ATP6V1H: variants seen among roughly 807,000 people sequenced by gnomAD.
ATP6V1H encodes the protein ATPase H+ transporting V1 subunit H, also known as V-type proton ATPase subunit H.
ATP6V1H carries 39 observed loss-of-function variants against 71.7 expected under a neutral mutation model. That is an observed-to-expected ratio of 0.54 (90% confidence interval 0.42 to 0.71). ATP6V1H has a LOEUF of 0.71. Ranked by LOEUF, ATP6V1H falls within the 30% of genes least tolerant of loss-of-function variation. The probability of loss-of-function intolerance (pLI) is 0.00; values close to 1 mark genes in which losing one functional copy is unlikely to be tolerated. For missense variants in ATP6V1H, 509 were observed against 594.9 expected, an observed-to-expected ratio of 0.86 and a Z score of 1.50; for synonymous variants, 192 against 199.3, an observed-to-expected ratio of 0.96 and a Z score of 0.31.
chr8:53,732,210 C>T (rs936871198), intron 13 of ATP6V1H, among the ~76,000 whole-genome samples: 12 of 152,096 alleles, frequency 7.9e-5, no homozygotes, highest in Admixed American at 1.3e-4. Context: ...TGACCTTTTA[C>T]CCTTTCCTTC....
At position 53,817,503 on chromosome 8, in the gene ATP6V1H, A is replaced by G; in HGVS notation, c.334T>C (p.Phe112Leu). 6.2e-7 allele frequency: 1 copy of G among 1,612,750 alleles called. No homozygotes were observed. Among genetic ancestry groups the G allele is most frequent in the African/African-American group, 1.3e-5 (1 of 75,006 alleles). ...QENHQRVSIF[F>L]DYARCSKNTA... is the part of the protein sequence containing the mutation. ...TTCTTGCTACATCTTGCATAGTCAAAGAAAATGCTAACACGCTGATGATTT... is the reference window on the plus strand; with the variant it reads ...TTCTTGCTACATCTTGCATAGTCAAGGAAAATGCTAACACGCTGATGATTT... The change falls in exon 5 of 14, where the codon TTT (phenylalanine) becomes CTT (leucine). Residue 112 changes from phenylalanine to leucine, a missense_variant. Around this residue, in one of 2 missense-constraint regions of ATP6V1H, gnomAD observed 297 missense variants for 303.3 expected, o/e 0.98. Transcript: ENST00000359530.
intron 11 of ATP6V1H, among the ~76,000 whole-genome samples, chr8:53,757,433 C>A (rs971415904): frequency 2.4e-4 from 37 of 152,280 alleles, no homozygotes; most frequent in African/African-American, 8.9e-4. Context: ...GAAAGGACTA[C>A]CTTCCTCATG....
At position 53,715,904 on chromosome 8, in the gene ATP6V1H, A is replaced by C; in HGVS notation, c.*60T>G. The C allele has an allele frequency of 6.8e-7, 1 of 1,473,988 alleles. No individual in the cohort carries two copies. The highest frequency in any genetic ancestry group is 9.4e-7 in the Non-Finnish European group (1 of 1,068,862). The allele number at this position is 1,473,988 out of a possible 1,614,324, so 91.3% of individuals were successfully genotyped here. On this transcript the variant is annotated 3_prime_UTR_variant, in exon 14 of 14. Transcript: ENST00000359530. ...TCAAACAGTGTTCACTCTTAACTCT[A>C]AACACAGTGCTCCCACTACTGGTTC... is the stretch of plus-strand genomic sequence containing the variant.
At chr8:53,804,614 C>A (rs1259383658) in intron 7 of ATP6V1H, among the ~76,000 whole-genome samples, 3 of 152,116 alleles carry the variant, frequency 2.0e-5, no homozygotes, top group African/African-American at 7.2e-5. Context: ...GTGGAAGTTG[C>A]AGTGAGCAGA....
chr8:53,825,544 C>A (rs982119538), intron 4 of ATP6V1H, among the ~76,000 whole-genome samples: 2 of 151,546 alleles, frequency 1.3e-5, no homozygotes, highest in East Asian at 3.9e-4. Context: ...CTGGGTGGTG[C>A]TGGAGCATGA....
At chr8:53,789,618 T>G (rs1809505933) in intron 9 of ATP6V1H, among the ~76,000 whole-genome samples, 1 of 152,196 alleles carries the variant, frequency 6.6e-6, no homozygotes, top group Admixed American at 6.5e-5. Flanking sequence ...ATACATTCTT[T>G]GAAACAACAG....
chr8:53,791,564 C>G (rs1325527823), intron 9 of ATP6V1H, among the ~76,000 whole-genome samples: 4 of 152,260 alleles, frequency 2.6e-5, no homozygotes, highest in Non-Finnish European at 5.9e-5. Context: ...CAAGCACAAA[C>G]TACTGATGAT....
intron 9 of ATP6V1H, among the ~76,000 whole-genome samples, chr8:53,775,373 C>T (rs1457558016): frequency 7.9e-5 from 12 of 152,170 alleles, no homozygotes; most frequent in Admixed American, 6.5e-4. Flanking sequence ...AGCGGGTTGC[C>T]AATGCTGGCT....
intron 13 of ATP6V1H, among the ~76,000 whole-genome samples, chr8:53,723,564 T>C (rs201568300): frequency 1.7e-3 from 266 of 152,380 alleles, no homozygotes; most frequent in Admixed American, 3.2e-3. Context: ...TATCGTGATG[T>C]GGCCACTATG....
chr8:53,724,640 G>A (rs1261586111), intron 13 of ATP6V1H, among the ~76,000 whole-genome samples: 1 of 118,624 alleles, frequency 8.4e-6, no homozygotes, highest in African/African-American at 3.2e-5. Flanking sequence ...CCACGCCCCA[G>A]GGACGGCAGT....
intron 7 of ATP6V1H, among the ~76,000 whole-genome samples, chr8:53,810,393 T>A (rs1810235086): frequency 6.6e-6 from 1 of 152,200 alleles, no homozygotes. Context: ...CCATAATTAA[T>A]CTTAATTATG....
intron 13 of ATP6V1H, among the ~76,000 whole-genome samples, chr8:53,738,239 G>C (rs1358222226): frequency 6.6e-6 from 1 of 151,264 alleles, no homozygotes; most frequent in Non-Finnish European, 1.5e-5. Context: ...GGAGGTTGCA[G>C]TGAGCCAAGA....
intron 6 of ATP6V1H, among the ~76,000 whole-genome samples, chr8:53,814,160 T>C (rs1810371169): frequency 6.6e-6 from 1 of 152,056 alleles, no homozygotes; most frequent in African/African-American, 2.4e-5. Context: ...GCATAAAAGA[T>C]CTCACTCGAA....
At chr8:53,761,406 A>G (rs1047171142) in intron 11 of ATP6V1H, among the ~76,000 whole-genome samples, 7 of 152,176 alleles carry the variant, frequency 4.6e-5, no homozygotes, top group Non-Finnish European at 7.4e-5. Flanking sequence ...AGTGTCATAC[A>G]AAGGTAAAGG....
At position 53,775,918 on chromosome 8, in the gene ATP6V1H, C is replaced by T. The variant is rs377347816; in HGVS notation, c.871-3751G>A. Among the ~76,000 whole-genome samples the T allele has an allele frequency of 2.6e-5, 4 of 152,262 alleles. 1 individual carries two copies. Among genetic ancestry groups the T allele is most frequent in the South Asian group, 4.1e-4 (2 of 4,836 alleles). On this transcript the variant is annotated intron_variant, in intron 9 of 13. Coordinates refer to ENST00000359530, the MANE Select transcript of ATP6V1H (RefSeq NM_015941.4). Reference sequence around the variant, plus strand: ...GCGCTCGCACTCCTCAGCCCTTGGGCGGTCGATGGGACTGGGCGCCGTGGA... The same window carrying T: ...GCGCTCGCACTCCTCAGCCCTTGGGTGGTCGATGGGACTGGGCGCCGTGGA...
At chr8:53,736,625 A>G (rs930798678) in intron 13 of ATP6V1H, among the ~76,000 whole-genome samples, 12 of 152,310 alleles carry the variant, frequency 7.9e-5, no homozygotes, top group South Asian at 6.2e-4. Context: ...TTCAAATAAT[A>G]AAAAGTTTTG....
chr8:53,780,685 TC>T (rs1199131993), intron 9 of ATP6V1H, among the ~76,000 whole-genome samples: 1 of 152,078 alleles, frequency 6.6e-6, no homozygotes, highest in Admixed American at 6.5e-5. Context: ...ATGGTATCCC[TC>T]CCCCATCCCC....
chr8:53,738,909 T>C (rs1807321687), intron 13 of ATP6V1H, among the ~76,000 whole-genome samples: 1 of 152,202 alleles, frequency 6.6e-6, no homozygotes, highest in South Asian at 2.1e-4. Flanking sequence ...CTGTAAAAAA[T>C]TCCTCTTTAC....
chr8:53,761,837 G>A (rs1201964102), intron 11 of ATP6V1H, among the ~76,000 whole-genome samples: 1 of 152,074 alleles, frequency 6.6e-6, no homozygotes, highest in Non-Finnish European at 1.5e-5. Flanking sequence ...GACAATAAGA[G>A]GATTTCTTAA....
Sources: gnomAD v4.1 joint callset for allele counts (sites outside exome capture counted in the v4.1 genomes callset) on GRCh38, gnomAD v4.1.1 for gene constraint, gnomAD v4.1.1 regional missense constraint, MANE v1.5 for transcripts, NCBI Gene and HGNC (gene_info 2026-07-23, HGNC 2026-07-21) for gene names.